The following EFNA5 variants were observed in gnomAD, a reference collection of about 807,000 sequenced individuals.
EFNA5 encodes the protein ephrin-A5.
EFNA5 carries 5 observed loss-of-function variants against 22.9 expected under a neutral mutation model. That is an observed-to-expected ratio of 0.22 (90% CI 0.11 to 0.46). The LOEUF is 0.46. Ranked by LOEUF, EFNA5 falls within the 20% of genes least tolerant of loss-of-function variation. EFNA5 has a pLI of 0.99. For missense variants in EFNA5, 237 were observed against 293.3 expected (o/e 0.81, Z 1.40); for synonymous variants, 113 against 112.2 (o/e 1.01, Z -0.04).
At chr5:107,638,135 G>A (rs530679239) in intron 1 of EFNA5, among the ~76,000 whole-genome samples, 13 of 152,068 alleles carry the variant, frequency 8.5e-5, no homozygotes, top group African/African-American at 2.9e-4. Context: ...TTACAGGCTT[G>A]AGCCATCGTG....
chr5:107,580,802 C>A (rs545843781), intron 1 of EFNA5, among the ~76,000 whole-genome samples: 2 of 151,888 alleles, frequency 1.3e-5, no homozygotes, highest in South Asian at 4.2e-4. Context: ...TAAGCATGCG[C>A]CCACATTGTG....
chr5:107,625,550 T>C (rs1010553082), intron 1 of EFNA5, among the ~76,000 whole-genome samples: 5 of 152,190 alleles, frequency 3.3e-5, no homozygotes, highest in Admixed American at 3.3e-4. Context: ...TCCTTATTAA[T>C]TGGTGTTAAG....
intron 1 of EFNA5, among the ~76,000 whole-genome samples, chr5:107,644,788 G>A (rs1158514266): frequency 6.6e-6 from 1 of 151,982 alleles, no homozygotes; most frequent in Non-Finnish European, 1.5e-5. Flanking sequence ...TGCAACCTCC[G>A]TCTCCTGGGT....
At chr5:107,510,724 C>T (rs1199349332) in intron 1 of EFNA5, among the ~76,000 whole-genome samples, 1 of 152,032 alleles carries the variant, frequency 6.6e-6, no homozygotes, top group Non-Finnish European at 1.5e-5. Flanking sequence ...TGCTGAAGAC[C>T]AGAACAGCCC....
intron 2 of EFNA5, among the ~76,000 whole-genome samples, chr5:107,416,949 T>C (rs1206027852): frequency 3.3e-5 from 5 of 152,146 alleles, no homozygotes; most frequent in Non-Finnish European, 5.9e-5. Context: ...ATTCAGATTT[T>C]AGTCAGAATT....
chr5:107,440,840 CTG>C (rs1749237208), intron 1 of EFNA5, among the ~76,000 whole-genome samples: 1 of 152,104 alleles, frequency 6.6e-6, no homozygotes, highest in African/African-American at 2.4e-5. Context: ...AGCACAGAAT[CTG>C]TATGCTATGT....
At chr5:107,531,847 G>C (rs1291351908) in intron 1 of EFNA5, among the ~76,000 whole-genome samples, 1 of 152,124 alleles carries the variant, frequency 6.6e-6, no homozygotes, top group East Asian at 1.9e-4. Flanking sequence ...ATCCCTTCAG[G>C]TTACAATTTC....
chr5:107,382,869 T>A (rs1747507470), intron 4 of EFNA5, among the ~76,000 whole-genome samples: 1 of 152,036 alleles, frequency 6.6e-6, no homozygotes, highest in Non-Finnish European at 1.5e-5. Context: ...CAAAGGATAA[T>A]CCCTAAATAC....
chr5:107,600,734 C>T (rs2406374), intron 1 of EFNA5, among the ~76,000 whole-genome samples: 35,164 of 151,890 alleles, frequency 0.23, 4,572 homozygotes, highest in Middle Eastern at 0.37. Context: ...GTGATCCACC[C>T]GCCTGAGTCT....
chr5:107,513,169 C>T (rs974224991), intron 1 of EFNA5, among the ~76,000 whole-genome samples: 2 of 152,118 alleles, frequency 1.3e-5, no homozygotes, highest in Non-Finnish European at 1.5e-5. Flanking sequence ...TCAGCTCAGG[C>T]TGCTGTGCTT....
At chr5:107,554,502 T>C (rs1320723553) in intron 1 of EFNA5, among the ~76,000 whole-genome samples, 1 of 152,152 alleles carries the variant, frequency 6.6e-6, no homozygotes, top group Non-Finnish European at 1.5e-5. Flanking sequence ...AACAAAAACA[T>C]ACCAATAATA....
At chr5:107,544,222 C>T (rs953995047) in intron 1 of EFNA5, among the ~76,000 whole-genome samples, 2 of 152,142 alleles carry the variant, frequency 1.3e-5, no homozygotes, top group African/African-American at 4.8e-5. Context: ...AGAGCACTTG[C>T]TGGTGTTCAA....
intron 1 of EFNA5, among the ~76,000 whole-genome samples, chr5:107,578,893 T>C (rs1748982905): frequency 6.6e-6 from 1 of 152,190 alleles, no homozygotes; most frequent in Non-Finnish European, 1.5e-5. Context: ...CCCAGCAGTG[T>C]TTTAATTTCT....
intron 2 of EFNA5, among the ~76,000 whole-genome samples, chr5:107,388,888 T>C (rs937859036): frequency 2.6e-5 from 4 of 152,196 alleles, no homozygotes; most frequent in African/African-American, 9.7e-5. Context: ...AAATTATTCC[T>C]CATGGGGAGC....
chr5:107,454,945 T>C (rs1452913567), intron 1 of EFNA5, among the ~76,000 whole-genome samples: 2 of 152,112 alleles, frequency 1.3e-5, no homozygotes, highest in African/African-American at 4.8e-5. Flanking sequence ...ACTGGGTTAT[T>C]TTAAGCTCCA....
At chr5:107,515,244 G>A (rs2112438182) in intron 1 of EFNA5, among the ~76,000 whole-genome samples, 1 of 151,584 alleles carries the variant, frequency 6.6e-6, no homozygotes, top group South Asian at 2.1e-4. Flanking sequence ...CACCATGTTG[G>A]CCAGGCTGGT....
intron 1 of EFNA5, among the ~76,000 whole-genome samples, chr5:107,517,158 T>TAA (rs76124762): frequency 7.3e-6 from 1 of 136,304 alleles, no homozygotes; most frequent in African/African-American, 2.7e-5. Flanking sequence ...ACACTGTTAC[T>TAA]AAAAAAAAAA....
At chr5:107,428,494 T>C (rs528937101) in intron 1 of EFNA5, among the ~76,000 whole-genome samples, 7 of 152,390 alleles carry the variant, frequency 4.6e-5, no homozygotes, top group Admixed American at 2.0e-4. Flanking sequence ...TTAACTAATG[T>C]GTCTTTCCCC....
chr5:107,429,346 TG>T (rs1460497385), intron 1 of EFNA5, among the ~76,000 whole-genome samples: 1 of 152,196 alleles, frequency 6.6e-6, no homozygotes, highest in Non-Finnish European at 1.5e-5. Flanking sequence ...CTCGGAAGGC[TG>T]AGGCACAAGA....
Sources: allele counts gnomAD v4.1 joint callset (sites outside exome capture counted in the v4.1 genomes callset), GRCh38; gene constraint gnomAD v4.1.1; transcripts MANE v1.5; gene names NCBI Gene and HGNC (gene_info 2026-07-23, HGNC 2026-07-21).